The following PRKCD variants were observed in gnomAD, a reference collection of about 807,000 sequenced individuals.
PRKCD encodes protein kinase C delta.
Under a neutral mutation model 82.2 loss-of-function variants are expected in PRKCD, and 20 were observed. The observed-to-expected ratio is 0.24, with a 90% CI of 0.17 to 0.35. The LOEUF (loss-of-function observed/expected upper bound fraction) is 0.35. Ranked by LOEUF, PRKCD falls within the 10% of genes least tolerant of loss-of-function variation. The probability of loss-of-function intolerance (pLI) is 1.00; values close to 1 mark genes in which losing one functional copy is unlikely to be tolerated. For synonymous variants in PRKCD, 317 were observed against 337.0 expected, an observed-to-expected ratio of 0.94 and a Z score of 0.65; for missense variants, 607 against 899.0, an observed-to-expected ratio of 0.68 and a Z score of 4.15.
At chr3:53,183,727 A>G (rs1272542147) in intron 9 of PRKCD, 146 bp downstream of exon 9, 2 of 1,209,120 alleles carry the variant, frequency 1.7e-6, no homozygotes, top group Admixed American at 2.6e-5. Context: ...GCCTTGGTGG[A>G]CCCTCCCCAC....
intron 2 of PRKCD, among the ~76,000 whole-genome samples, chr3:53,170,617 C>T (rs61033869): frequency 3.3e-5 from 5 of 152,368 alleles, no homozygotes; most frequent in African/African-American, 9.6e-5. Context: ...GGACTTTCTT[C>T]GTCTCCCTGG....
At chr3:53,176,499 G>A (rs13087091) in intron 2 of PRKCD, among the ~76,000 whole-genome samples, 19 of 152,276 alleles carry the variant, frequency 1.2e-4, no homozygotes, top group Non-Finnish European at 2.1e-4. Flanking sequence ...GCATGCACAC[G>A]TGTGTGTCTG....
At chr3:53,172,961 C>T (rs556413141) in intron 2 of PRKCD, among the ~76,000 whole-genome samples, 12 of 152,290 alleles carry the variant, frequency 7.9e-5, no homozygotes, top group Admixed American at 2.0e-4. Flanking sequence ...CAGGGAACCT[C>T]ACTGCAGGAC....
chr3:53,186,463 C>CA lies in PRKCD; in HGVS notation c.1260+123_1260+124insA, dbSNP rs201112426. On this transcript the variant is annotated intron_variant, in intron 13 of 18. Coordinates refer to ENST00000330452, the MANE Select transcript of PRKCD (RefSeq NM_006254.4). ...TTAAGGCAGGGCCATGCTTTCCCCC[C>CA]TCATGCCTCCCAGGGCAGAGTCGTC... The CA allele has an allele frequency of 1.7e-5, 24 of 1,398,870 alleles. 1 individual carries two copies. The highest frequency in any genetic ancestry group is 7.1e-5 in the African/African-American group (5 of 70,778). The allele number at this position is 1,398,870 out of a possible 1,614,324, so 86.7% of individuals were successfully genotyped here.
At chr3:53,177,472 T>G (rs1203537572) in intron 2 of PRKCD, among the ~76,000 whole-genome samples, 1 of 152,198 alleles carries the variant, frequency 6.6e-6, no homozygotes, top group Non-Finnish European at 1.5e-5. Context: ...CTTTTGGTTC[T>G]GATTCTCTGC....
chr3:53,183,185 G>T lies in PRKCD; in HGVS notation c.636G>T (p.Ala212=). The T allele has an allele frequency of 6.2e-7, 1 of 1,614,184 alleles. No individual in the cohort carries two copies. Among genetic ancestry groups the T allele is most frequent in the South Asian group, 1.1e-5 (1 of 91,082 alleles). Residue 212 remains alanine (A), a synonymous_variant, in exon 8 of 19, where the codon GCG becomes GCT. Coordinates refer to ENST00000330452, the MANE Select transcript of PRKCD (RefSeq NM_006254.4). ...DKIIGRCTGT[A]ANSRDTIFQK... is the part of the protein sequence containing the mutation. ...TCATCGGCAGATGCACTGGCACCGC[G>T]GCCAACAGCCGGGACACTATAGTGA...
At chr3:53,167,583 T>A (rs1553664089) in intron 2 of PRKCD, among the ~76,000 whole-genome samples, 2 of 152,236 alleles carry the variant, frequency 1.3e-5, no homozygotes, top group Non-Finnish European at 2.9e-5. Flanking sequence ...AGCATCCATC[T>A]TGATGAGGTT....
At chr3:53,163,522 G>A (rs1553663400) in intron 1 of PRKCD, among the ~76,000 whole-genome samples, 1 of 152,072 alleles carries the variant, frequency 6.6e-6, no homozygotes, top group African/African-American at 2.4e-5. Context: ...ATACTTGCTT[G>A]TGCCTGTTAA....
In PRKCD at chr3:53,183,434, T is replaced by TGATA; in HGVS notation, c.658-17_658-14dup. On this transcript the variant is annotated splice_polypyrimidine_tract_variant and intron_variant, in intron 8 of 18. Transcript: ENST00000330452. ...GAGCTGGCACGTGACCCTCAGCCTG[T>TGATA]GATACCCCCACCTCCAGTTCCAGAA... The TGATA allele has an allele frequency of 6.2e-7, 1 of 1,613,858 alleles. No individual in the cohort carries two copies. The highest frequency in any genetic ancestry group is 8.5e-7 in the Non-Finnish European group (1 of 1,179,872).
chr3:53,186,071 C>T (rs1553668970), intron 12 of PRKCD, 44 bp downstream of exon 12: 1 of 1,611,716 alleles, frequency 6.2e-7, no homozygotes, highest in East Asian at 2.2e-5. Context: ...CCCACCCTGG[C>T]TTCTTCCCGC....
At chr3:53,180,168 A>G (rs1703383911) in intron 4 of PRKCD, among the ~76,000 whole-genome samples, 2 of 152,206 alleles carry the variant, frequency 1.3e-5, no homozygotes, top group Admixed American at 6.5e-5. Context: ...TTAATTTTGG[A>G]AAGGCAGGAT....
intron 3 of PRKCD, among the ~76,000 whole-genome samples, chr3:53,179,213 G>T (rs1002810593): frequency 1.3e-5 from 2 of 152,252 alleles, no homozygotes; most frequent in Non-Finnish European, 2.9e-5. Context: ...CGGGCCTGGG[G>T]ATCCAGGAGG....
chr3:53,181,081 G>A (rs1370262120), intron 4 of PRKCD, 126 bp from the exon 5 acceptor site: 3 of 998,730 alleles, frequency 3.0e-6, no homozygotes, highest in Admixed American at 2.3e-5. Context: ...GCAGACAAGT[G>A]TCTGGCTAGG....
chr3:53,182,338 A>G (rs1703477752), intron 7 of PRKCD, among the ~76,000 whole-genome samples: 1 of 151,774 alleles, frequency 6.6e-6, no homozygotes, highest in South Asian at 2.1e-4. Flanking sequence ...GTGCGATCTC[A>G]GCTCACTGTA....
At position 53,169,468 on chromosome 3, in the gene PRKCD, C is replaced by T. The variant is rs1436448227; in HGVS notation, c.-20+4253C>T. Among the ~76,000 whole-genome samples, 5 of 152,174 alleles carry T rather than the reference C, an allele frequency of 3.3e-5. No homozygotes were observed. The highest frequency in any genetic ancestry group is 6.5e-5 in the Admixed American group (1 of 15,290). Reference sequence around the variant, plus strand: ...GAGGGCAGGCTTGTGGTGGCTGAGCCGCTGTTTTCACAACAGCTCCGGAAG... The same window carrying T: ...GAGGGCAGGCTTGTGGTGGCTGAGCTGCTGTTTTCACAACAGCTCCGGAAG... On this transcript the variant is annotated intron_variant, in intron 2 of 18. Transcript: ENST00000330452. This position sits in a 1 kb window ranked among gnomAD's most constrained non-coding sequence, Gnocchi z 4.7.
Position 53,169,911 on chromosome 3 carries a change from T to C in PRKCD, c.-20+4696T>C, listed in dbSNP as rs1160172156. The stretch of plus-strand genomic sequence containing the variant: ...AGGCAGCAGATCTGAGCTAGGCCTG[T>C]CTAGGTCCAAGCTCGCCGGTTCCTC... On this transcript the variant is annotated intron_variant, in intron 2 of 18. Transcript: ENST00000330452. This position sits in a 1 kb window ranked among gnomAD's most constrained non-coding sequence, Gnocchi z 4.7. Among the ~76,000 whole-genome samples, 1 of 152,184 alleles carries C rather than the reference T, an allele frequency of 6.6e-6. No individual in the cohort carries two copies. Among genetic ancestry groups the C allele is most frequent in the Non-Finnish European group, 1.5e-5 (1 of 68,010 alleles).
Position 53,170,892 on chromosome 3 carries a change from C to T in PRKCD, c.-20+5677C>T, listed in dbSNP as rs117978879. On this transcript the variant is annotated intron_variant, in intron 2 of 18. Transcript: ENST00000330452. ...TGGTCGGGTGTGGTCTGTGTGGGCC[C>T]GGGTATCTGTTGAGATGTGAGAGCC... is the stretch of plus-strand genomic sequence containing the variant. 8.2e-4 allele frequency among the ~76,000 whole-genome samples: 124 copies of T among 152,002 alleles called. No individual in the cohort carries two copies. In the East Asian group the frequency reaches 0.02, roughly 24 times the overall value.
At chr3:53,168,764 G>C (rs1702916110) in intron 2 of PRKCD, among the ~76,000 whole-genome samples, 1 of 151,442 alleles carries the variant, frequency 6.6e-6, no homozygotes, top group Non-Finnish European at 1.5e-5. Flanking sequence ...AAAGGGGTCA[G>C]CGTGGCTGGG....
chr3:53,187,287 C>T, intron 14 of PRKCD, 53 bp from the exon 15 acceptor site: 2 of 1,603,054 alleles, frequency 1.2e-6, no homozygotes, highest in Non-Finnish European at 1.7e-6. Context: ...CGAGGAGAAG[C>T]AGAGGCTGCT....
Sources: allele counts gnomAD v4.1 joint callset (sites outside exome capture counted in the v4.1 genomes callset), GRCh38; gene constraint gnomAD v4.1.1; non-coding constraint Gnocchi (gnomAD v3.1); transcripts MANE v1.5; gene names NCBI Gene and HGNC (gene_info 2026-07-23, HGNC 2026-07-21).